Variants in GRIP1 observed in about 807,000 individuals in gnomAD.
GRIP1 encodes the protein glutamate receptor-interacting protein 1.
GRIP1 carries 45 observed loss-of-function variants against 129.9 expected under a neutral mutation model. The ratio of observed to expected loss-of-function variants is 0.35; its 90% CI spans 0.27 to 0.44. The LOEUF (loss-of-function observed/expected upper bound fraction) is 0.44, where lower values mean the gene tolerates loss of function less well. Among genes scored for constraint, GRIP1 ranks in the 20% least tolerant of loss-of-function variants. The pLI is 1.00. For missense variants in GRIP1, 1,196 were observed against 1,396.8 expected (o/e 0.86, Z 2.29); for synonymous variants, 530 against 520.8 (o/e 1.02, Z -0.24).
chr12:66,971,316 C>G (rs925663984), intron 1 of GRIP1, among the ~76,000 whole-genome samples: 4 of 152,180 alleles, frequency 2.6e-5, no homozygotes, highest in Non-Finnish European at 2.9e-5. Context: ...GGAGTGAGGA[C>G]TCCCAAGCAC....
At chr12:66,352,213 G>A (rs1401622279) in intron 24 of GRIP1, among the ~76,000 whole-genome samples, 1 of 152,292 alleles carries the variant, frequency 6.6e-6, no homozygotes, top group African/African-American at 2.4e-5. Context: ...TGGTTGTACT[G>A]CGAACCAAGA....
At chr12:66,583,553 A>T (rs949706751) in intron 2 of GRIP1, among the ~76,000 whole-genome samples, 7 of 133,598 alleles carry the variant, frequency 5.2e-5, no homozygotes, top group Non-Finnish European at 8.2e-5. Flanking sequence ...ACTCAAACCA[A>T]TTTACAAGAA....
At chr12:66,574,092 T>C (rs1453196327) in intron 2 of GRIP1, among the ~76,000 whole-genome samples, 1 of 152,226 alleles carries the variant, frequency 6.6e-6, no homozygotes, top group Non-Finnish European at 1.5e-5. Flanking sequence ...AATGGTCTTC[T>C]TGACACGTGC....
At chr12:66,833,006 C>T (rs894484956) in intron 1 of GRIP1, among the ~76,000 whole-genome samples, 3 of 152,154 alleles carry the variant, frequency 2.0e-5, no homozygotes, top group Admixed American at 2.0e-4. Context: ...GGCTCTTTGG[C>T]TTACAGAGAC....
intron 11 of GRIP1, among the ~76,000 whole-genome samples, chr12:66,449,082 T>C (rs2058706034): frequency 1.3e-5 from 2 of 152,214 alleles, no homozygotes; most frequent in South Asian, 4.1e-4. Context: ...CTCTGTTTTA[T>C]CCAGGCAGAA....
At position 66,607,501 on chromosome 12, in the gene GRIP1, T is replaced by C. The variant is rs578227936; in HGVS notation, c.56-10574A>G. Among the ~76,000 whole-genome samples the C allele has an allele frequency of 4.6e-5, 7 of 152,358 alleles. No homozygotes were observed. In the South Asian group the frequency reaches 1.2e-3, roughly 27 times the overall value. On this transcript the variant is annotated intron_variant, in intron 1 of 24. Transcript: ENST00000359742. Reference sequence around the variant, plus strand: ...TCTAGACAACAAGTTCATGGCCTTCTGCTTACAATATTTCAAACCTTTTAT... The same window carrying C: ...TCTAGACAACAAGTTCATGGCCTTCCGCTTACAATATTTCAAACCTTTTAT...
upstream of GRIP1, among the ~76,000 whole-genome samples, chr12:66,808,490 T>C (rs747341291): frequency 2.6e-5 from 4 of 152,086 alleles, no homozygotes. Context: ...TGTTTGTTTG[T>C]TTGTTTGAGA....
intron 13 of GRIP1, among the ~76,000 whole-genome samples, chr12:66,438,427 C>T (rs1194590274): frequency 6.6e-6 from 1 of 151,730 alleles, no homozygotes; most frequent in Non-Finnish European, 1.5e-5. Context: ...CTGATGCAGT[C>T]TGAAGTTCCT....
intron 1 of GRIP1, among the ~76,000 whole-genome samples, chr12:67,014,811 G>A (rs2042761576): frequency 6.6e-6 from 1 of 152,110 alleles, no homozygotes. Context: ...CTATAAATAT[G>A]CAGTAGGTAA....
chr12:66,565,582 G>C (rs1382981122), intron 2 of GRIP1, among the ~76,000 whole-genome samples: 1 of 152,108 alleles, frequency 6.6e-6, no homozygotes, highest in Non-Finnish European at 1.5e-5. Context: ...TGTTCTTTTG[G>C]CTTAGGACTG....
chr12:66,775,351 G>A (rs1435617043), intron 1 of GRIP1, among the ~76,000 whole-genome samples: 1 of 152,190 alleles, frequency 6.6e-6, no homozygotes, highest in Non-Finnish European at 1.5e-5. Context: ...CACGTGAGAG[G>A]AGTCATCAGT....
chr12:66,351,635 T>C (rs1377754898), intron 24 of GRIP1, among the ~76,000 whole-genome samples: 5 of 145,316 alleles, frequency 3.4e-5, no homozygotes, highest in Non-Finnish European at 4.5e-5. Flanking sequence ...CACTGCAACC[T>C]CTGAACAGGC....
At chr12:66,931,065 C>T (rs867437808) in intron 1 of GRIP1, among the ~76,000 whole-genome samples, 8 of 152,136 alleles carry the variant, frequency 5.3e-5, no homozygotes, top group Non-Finnish European at 7.4e-5. Flanking sequence ...TGTTGTTTTC[C>T]GAACTTACTG....
intron 1 of GRIP1, among the ~76,000 whole-genome samples, chr12:66,641,539 T>C (rs1159866043): frequency 6.6e-6 from 1 of 152,234 alleles, no homozygotes; most frequent in East Asian, 1.9e-4. Flanking sequence ...CTATAAAAAT[T>C]ATCACACATG....
Position 66,715,452 on chromosome 12 carries a change from A to ATGTGTGTGTGTGTGTG in GRIP1, c.-419-85132_-419-85117dup, listed in dbSNP as rs36142878. Among the ~76,000 whole-genome samples, 129 of 73,058 alleles carry ATGTGTGTGTGTGTGTG rather than the reference A, an allele frequency of 1.8e-3. 1 individual carries two copies. The highest frequency in any genetic ancestry group is 0.014 in the Middle Eastern group (2 of 148). The allele number at this position is 73,058 out of a possible 152,430, so 47.9% of individuals were successfully genotyped here. ...TGCCACAGCAATGAATTGTAGCTTG[A>ATGTGTGTGTGTGTGTG]TGTGTGTGTGTGTGTGTGTGAGAGA... is the stretch of plus-strand genomic sequence containing the variant. On this transcript the variant is annotated intron_variant, in intron 1 of 4. Coordinates refer to the GRIP1 transcript ENST00000538373.
At chr12:66,767,033 T>C (rs550804257) in intron 1 of GRIP1, among the ~76,000 whole-genome samples, 2 of 152,330 alleles carry the variant, frequency 1.3e-5, no homozygotes, top group African/African-American at 2.4e-5. Flanking sequence ...CAAAACTCTA[T>C]ACTACAACGT....
At chr12:66,989,519 T>C (rs981735989) in intron 1 of GRIP1, among the ~76,000 whole-genome samples, 1 of 152,184 alleles carries the variant, frequency 6.6e-6, no homozygotes, top group East Asian at 1.9e-4. Flanking sequence ...TTTGTGCCCA[T>C]ATACAAGTGG....
chr12:66,980,487 T>C (rs1458160626), intron 1 of GRIP1, among the ~76,000 whole-genome samples: 1 of 152,180 alleles, frequency 6.6e-6, no homozygotes, highest in East Asian at 1.9e-4. Context: ...GGCACACGTC[T>C]GTAGTCCCAG....
chr12:66,859,077 C>A (rs559117216), intron 1 of GRIP1, among the ~76,000 whole-genome samples: 12 of 151,834 alleles, frequency 7.9e-5, no homozygotes, highest in African/African-American at 2.9e-4. Flanking sequence ...TTCTACCATA[C>A]CCTACACCAC....
Sources: gnomAD v4.1 joint callset for allele counts (sites outside exome capture counted in the v4.1 genomes callset) on GRCh38, gnomAD v4.1.1 for gene constraint, MANE v1.5 for transcripts, NCBI Gene and HGNC (gene_info 2026-07-23, HGNC 2026-07-21) for gene names.